The following CAMTA1 variants were observed in gnomAD, a reference collection of about 807,000 sequenced individuals.
CAMTA1 encodes the protein calmodulin binding transcription activator 1, also known as calmodulin-binding transcription activator 1.
In CAMTA1, 27 loss-of-function variants were observed where a neutral mutation model predicts 170.9. The observed-to-expected ratio is 0.16, with a 90% CI of 0.12 to 0.22. The LOEUF is 0.22. CAMTA1 is among the 10% of genes least tolerant of loss of function. The probability of loss-of-function intolerance (pLI) is 1.00; values close to 1 mark genes in which losing one functional copy is unlikely to be tolerated. For missense variants in CAMTA1, 1,619 were observed against 2,217.2 expected (o/e 0.73, Z 5.42); for synonymous variants, 833 against 891.5 (o/e 0.93, Z 1.17).
chr1:7,571,353 G>T (rs114216678), intron 6 of CAMTA1, among the ~76,000 whole-genome samples: 2 of 152,268 alleles, frequency 1.3e-5, no homozygotes, highest in East Asian at 3.9e-4. Flanking sequence ...GTTTATTTTA[G>T]GTTCGGGGTA....
chr1:7,303,045 G>T (rs1424950641), intron 5 of CAMTA1, among the ~76,000 whole-genome samples: 1 of 152,202 alleles, frequency 6.6e-6, no homozygotes, highest in Non-Finnish European at 1.5e-5. Flanking sequence ...ACTGAGGACA[G>T]TACCACCGCC....
chr1:7,766,705 AC>A lies in CAMTA1; in HGVS notation c.*215del, dbSNP rs1454903865. ...CATTGCATTTGCACTTTCATGGACA[AC>A]TTTTAATTTGATCAGCAAGACATCT... On this transcript the variant is annotated 3_prime_UTR_variant, in exon 23 of 23. Transcript: ENST00000303635. 3.9e-6 allele frequency: 2 copies of A among 509,170 alleles called. No individual in the cohort carries two copies. The highest frequency in any genetic ancestry group is 6.1e-5 in the East Asian group (2 of 32,974). 31.5% of individuals were successfully genotyped at this position (509,170 alleles called of 1,614,324 possible). A position where few individuals can be genotyped will look rare whatever the true frequency, so the allele number is the denominator to read the frequency against.
intron 3 of CAMTA1, among the ~76,000 whole-genome samples, chr1:6,945,896 C>G (rs1215292469): frequency 6.6e-6 from 1 of 152,188 alleles, no homozygotes; most frequent in African/African-American, 2.4e-5. Flanking sequence ...TTTATTTGTT[C>G]ATTCGTTAGT....
chr1:7,669,847 G>A (rs564436300), intron 9 of CAMTA1, among the ~76,000 whole-genome samples: 5 of 152,186 alleles, frequency 3.3e-5, no homozygotes, highest in South Asian at 4.1e-4. Flanking sequence ...CCCTCTCCTC[G>A]GCTAAGCCGT....
intron 6 of CAMTA1, among the ~76,000 whole-genome samples, chr1:7,505,530 G>A (rs903812977): frequency 3.3e-5 from 5 of 152,184 alleles, no homozygotes; most frequent in East Asian, 1.9e-4. Flanking sequence ...AGATGGGGCC[G>A]GGAGGGGACC....
At chr1:7,353,427 C>CTT (rs201622778) in intron 5 of CAMTA1, among the ~76,000 whole-genome samples, 1 of 32,178 alleles carries the variant, frequency 3.1e-5, no homozygotes, top group African/African-American at 1.5e-4. Flanking sequence ...TTTTTTCTTT[C>CTT]TCTCTTTTTT....
chr1:7,749,254 A>G (rs1003015945), intron 19 of CAMTA1, among the ~76,000 whole-genome samples: 3 of 152,016 alleles, frequency 2.0e-5, no homozygotes, highest in Admixed American at 2.0e-4. Context: ...ACTTGCCTCA[A>G]TTTCTGATAT....
At chr1:7,047,936 T>C (rs1016104961) in intron 3 of CAMTA1, among the ~76,000 whole-genome samples, 5 of 152,138 alleles carry the variant, frequency 3.3e-5, no homozygotes, top group South Asian at 2.1e-4. Flanking sequence ...CCAGGTGACT[T>C]TTTCTAGTAT....
chr1:6,871,442 A>G (rs1272515872), intron 3 of CAMTA1, among the ~76,000 whole-genome samples: 7 of 152,348 alleles, frequency 4.6e-5, no homozygotes, highest in Admixed American at 4.6e-4. Flanking sequence ...TGCTGTGACC[A>G]CATTAGATTT....
intron 4 of CAMTA1, among the ~76,000 whole-genome samples, chr1:7,119,529 A>G (rs554542639): frequency 6.6e-6 from 1 of 152,290 alleles, no homozygotes; most frequent in South Asian, 2.1e-4. Flanking sequence ...AGAACCCCTG[A>G]GCCGAAAACA....
At chr1:7,700,662 GA>G (rs780203472) in intron 11 of CAMTA1, 1 of 152,286 alleles carries the variant, frequency 6.6e-6, no homozygotes, top group East Asian at 1.9e-4. Context: ...AGGGCCGGGG[GA>G]AAGAATGTGT....
chr1:7,501,830 A>G (rs954650710), intron 6 of CAMTA1, among the ~76,000 whole-genome samples: 50 of 152,116 alleles, frequency 3.3e-4, no homozygotes, highest in South Asian at 8.3e-4. Context: ...TCTAGGATGC[A>G]TAGACACCCA....
intron 6 of CAMTA1, among the ~76,000 whole-genome samples, chr1:7,619,814 TA>T (rs1209722305): frequency 2.6e-5 from 4 of 152,024 alleles, no homozygotes; most frequent in African/African-American, 9.7e-5. Context: ...CACACCCAAC[TA>T]ATTTTTGTAT....
intron 5 of CAMTA1, among the ~76,000 whole-genome samples, chr1:7,437,162 T>A (rs1181280293): frequency 6.6e-6 from 1 of 152,090 alleles, no homozygotes; most frequent in Non-Finnish European, 1.5e-5. Flanking sequence ...CCCGGATGCC[T>A]GGATGCCGGA....
intron 6 of CAMTA1, among the ~76,000 whole-genome samples, chr1:7,577,398 A>G (rs74055149): frequency 0.015 from 2,211 of 152,234 alleles, 41 homozygotes; most frequent in South Asian, 0.054. Context: ...CACCTGTGTC[A>G]GCACTCCTTC....
At chr1:6,903,701 A>G (rs990952179) in intron 3 of CAMTA1, among the ~76,000 whole-genome samples, 1 of 152,220 alleles carries the variant, frequency 6.6e-6, no homozygotes, top group African/African-American at 2.4e-5. Flanking sequence ...CCATCTGTAG[A>G]ACCTCAGTGT....
At chr1:7,329,524 G>A (rs968905033) in intron 5 of CAMTA1, among the ~76,000 whole-genome samples, 1 of 152,066 alleles carries the variant, frequency 6.6e-6, no homozygotes, top group East Asian at 1.9e-4. Context: ...TTGTTTTTCT[G>A]AAAACTCTTT....
At chr1:7,350,841 C>T (rs1557568568) in intron 5 of CAMTA1, among the ~76,000 whole-genome samples, 1 of 152,358 alleles carries the variant, frequency 6.6e-6, no homozygotes, top group East Asian at 1.9e-4. Flanking sequence ...CTCTGTCCCT[C>T]CACATTCTGC....
chr1:7,439,809 G>A (rs2092464512), intron 5 of CAMTA1, among the ~76,000 whole-genome samples: 1 of 152,192 alleles, frequency 6.6e-6, no homozygotes, highest in South Asian at 2.1e-4. Context: ...GCCGAGCCCA[G>A]CCTCCCAGGA....
Sources: gnomAD v4.1 joint callset for allele counts (sites outside exome capture counted in the v4.1 genomes callset) on GRCh38, gnomAD v4.1.1 for gene constraint, MANE v1.5 for transcripts, NCBI Gene and HGNC (gene_info 2026-07-23, HGNC 2026-07-21) for gene names.